The following EFHC2 variants were observed in gnomAD, a reference collection of about 807,000 sequenced individuals.
EFHC2 encodes the protein EF-hand domain containing 2.
A neutral mutation model predicts 52.7 loss-of-function variants in EFHC2; 18 were observed. That is an observed-to-expected ratio of 0.34 (90% CI 0.24 to 0.51). The LOEUF (loss-of-function observed/expected upper bound fraction) is 0.51. EFHC2 is among the 20% of genes least tolerant of loss of function. The pLI is 0.97. For synonymous variants in EFHC2, 203 were observed against 204.1 expected, an observed-to-expected ratio of 0.99 and a Z score of 0.04; for missense variants, 513 against 562.5, an observed-to-expected ratio of 0.91 and a Z score of 0.89.
intron 2 of EFHC2, among the ~76,000 whole-genome samples, chrX:44,297,220 T>G (rs984577622): frequency 5.4e-5 from 6 of 111,562 alleles, no homozygotes; most frequent in African/African-American, 2.0e-4. Context: ...AAATCCAGGT[T>G]CTAAACCTCA....
At chrX:44,220,053 T>TA (rs981299588) in intron 11 of EFHC2, among the ~76,000 whole-genome samples, 9 of 111,859 alleles carry the variant, frequency 8.0e-5, no homozygotes, top group East Asian at 5.6e-4. Flanking sequence ...TTGCTCATTG[T>TA]AAAAAAAAGT....
chrX:44,214,747 T>C (rs954819272), intron 11 of EFHC2, among the ~76,000 whole-genome samples: 97 of 112,589 alleles, frequency 8.6e-4, no homozygotes, highest in African/African-American at 3.0e-3. Flanking sequence ...TGATCTATCA[T>C]AAAAGTTTGT....
At chrX:44,314,962 T>C (rs1355658265) in intron 1 of EFHC2, among the ~76,000 whole-genome samples, 1 of 111,367 alleles carries the variant, frequency 9.0e-6, no homozygotes, top group Admixed American at 9.6e-5. Context: ...GTTTGGATGT[T>C]TGTCCTCTCC....
At chrX:44,324,039 A>C (rs1429374402) in intron 1 of EFHC2, among the ~76,000 whole-genome samples, 1 of 111,292 alleles carries the variant, frequency 9.0e-6, no homozygotes, top group Non-Finnish European at 1.9e-5. Flanking sequence ...AAAACTAATA[A>C]ATTAGCCACA....
In EFHC2 at chrX:44,175,439, C is replaced by A. The variant is rs2036779057; in HGVS notation, c.2042+853G>T. Among the ~76,000 whole-genome samples, 3 of 111,388 alleles carry A rather than the reference C, an allele frequency of 2.7e-5. No individual in the cohort carries two copies. In the South Asian group the frequency reaches 1.1e-3, roughly 42 times the overall value. ...TCCTAATCTACTGGCTATTTGTAGA[C>A]AGTAACTCAAAATGATTAGAAGCAG... On this transcript the variant is annotated intron_variant, in intron 13 of 14. Coordinates refer to ENST00000420999, the MANE Select transcript of EFHC2 (RefSeq NM_025184.4).
chrX:44,250,056 G>A (rs767277190), intron 5 of EFHC2, 138 bp downstream of exon 5: 143 of 687,277 alleles, frequency 2.1e-4, no homozygotes, highest in Non-Finnish European at 2.6e-4. Context: ...TTAATAGAGG[G>A]CACAAAATGA....
In EFHC2 at chrX:44,189,256, T is replaced by C. The variant is rs781213684; in HGVS notation, c.1752-10692A>G. ...CAAACATTGATCTGCTTCACACACA[T>C]AGACTCATTTAACCCTCATGACAAT... is the stretch of plus-strand genomic sequence containing the variant. On this transcript the variant is annotated intron_variant, in intron 11 of 14. Transcript: ENST00000420999. 7.3e-5 allele frequency among the ~76,000 whole-genome samples: 8 copies of C among 110,324 alleles called. No homozygotes were observed. The East Asian group carries it at 2.3e-3, about 32-fold the overall frequency.
rs192641470 is a variant in EFHC2, at chrX:44,333,577, C to T, written c.42+9970G>A. ...ATGTGTTACTTGTATAATTTAAAAACACAAATTGTAATGAAAGGGATACTA... is the reference window on the plus strand; with the variant it reads ...ATGTGTTACTTGTATAATTTAAAAATACAAATTGTAATGAAAGGGATACTA... On this transcript the variant is annotated intron_variant, in intron 1 of 14. Coordinates refer to ENST00000420999, the MANE Select transcript of EFHC2 (RefSeq NM_025184.4). Among the ~76,000 whole-genome samples the T allele has an allele frequency of 1.2e-4, 13 of 111,087 alleles. No individual in the cohort carries two copies. In the East Asian group the frequency reaches 3.7e-3, roughly 31 times the overall value.
intron 1 of EFHC2, among the ~76,000 whole-genome samples, chrX:44,341,119 C>T (rs751192825): frequency 1.5e-4 from 17 of 112,007 alleles, no homozygotes; most frequent in Non-Finnish European, 3.0e-4. Flanking sequence ...ACAAATCTAA[C>T]GAACATACTG....
chrX:44,218,271 A>G (rs1338991868), intron 11 of EFHC2, among the ~76,000 whole-genome samples: 2 of 111,379 alleles, frequency 1.8e-5, no homozygotes, highest in African/African-American at 3.2e-5. Flanking sequence ...ATTGAAAACT[A>G]TAAGATTTGA....
chrX:44,236,307 G>T (rs2037319950), intron 8 of EFHC2, among the ~76,000 whole-genome samples: 1 of 111,832 alleles, frequency 8.9e-6, no homozygotes, highest in Admixed American at 9.5e-5. Context: ...TTGATTTATG[G>T]TCTGTAGCAG....
chrX:44,313,503 C>A (rs181768142), intron 1 of EFHC2, among the ~76,000 whole-genome samples: 255 of 112,209 alleles, frequency 2.3e-3, no homozygotes, highest in Middle Eastern at 4.6e-3. Context: ...AGTATCTTGT[C>A]TTAGGCACAA....
At chrX:44,191,418 G>A (rs984868701) in intron 11 of EFHC2, among the ~76,000 whole-genome samples, 1 of 110,692 alleles carries the variant, frequency 9.0e-6, no homozygotes, top group African/African-American at 3.3e-5. Context: ...TGTATTTTTC[G>A]TAGAGATGGG....
intron 11 of EFHC2, among the ~76,000 whole-genome samples, chrX:44,208,711 C>T (rs1303405482): frequency 9.0e-6 from 1 of 111,475 alleles, no homozygotes; most frequent in East Asian, 2.8e-4. Flanking sequence ...ATACAATCAC[C>T]TTTTCATAGA....
chrX:44,223,239 C>T (rs185425468), intron 11 of EFHC2, among the ~76,000 whole-genome samples: 1 of 112,286 alleles, frequency 8.9e-6, no homozygotes, highest in African/African-American at 3.2e-5. Flanking sequence ...GGGTGGGCCA[C>T]GTTTGGTGTC....
chrX:44,274,715 C>A (rs1160210927), intron 2 of EFHC2, among the ~76,000 whole-genome samples: 1 of 110,008 alleles, frequency 9.1e-6, no homozygotes, highest in East Asian at 2.8e-4. Context: ...ATAATGAGAC[C>A]CCGTTTTTAC....
chrX:44,280,494 C>G (rs1349167779), intron 2 of EFHC2, among the ~76,000 whole-genome samples: 1 of 111,937 alleles, frequency 8.9e-6, no homozygotes, highest in Non-Finnish European at 1.9e-5. Context: ...AATGCCCCTA[C>G]TAGCATCATT....
At chrX:44,228,115 C>A (rs1166767117) in intron 11 of EFHC2, among the ~76,000 whole-genome samples, 2 of 112,109 alleles carry the variant, frequency 1.8e-5, no homozygotes, top group Admixed American at 1.9e-4. Flanking sequence ...CCAGGCGAAA[C>A]CTGATCTGAG....
chrX:44,283,161 A>T (rs2037720914), intron 2 of EFHC2, among the ~76,000 whole-genome samples: 1 of 111,397 alleles, frequency 9.0e-6, no homozygotes, highest in Non-Finnish European at 1.9e-5. Context: ...ATTCCAAACC[A>T]AAAGTAAGAG....
Sources: allele counts gnomAD v4.1 joint callset (sites outside exome capture counted in the v4.1 genomes callset), GRCh38; gene constraint gnomAD v4.1.1; transcripts MANE v1.5; gene names NCBI Gene and HGNC (gene_info 2026-07-23, HGNC 2026-07-21).